Variants in RTN3 observed in about 807,000 individuals in gnomAD.
RTN3 encodes the protein reticulon-3.
A neutral mutation model predicts 77.8 loss-of-function variants in RTN3; 49 were observed. The ratio of observed to expected loss-of-function variants is 0.63; its 90% CI spans 0.50 to 0.80. The LOEUF is 0.80. Among genes scored for constraint, RTN3 ranks in the 30% least tolerant of loss-of-function variants. The pLI is 0.00. For missense variants in RTN3, 1,236 were observed against 1,211.9 expected (o/e 1.02, Z -0.29); for synonymous variants, 464 against 446.9 (o/e 1.04, Z -0.48).
chr11:63,688,560 A>G (rs1455347244), intron 1 of RTN3, among the ~76,000 whole-genome samples: 1 of 152,022 alleles, frequency 6.6e-6, no homozygotes, highest in African/African-American at 2.4e-5. Flanking sequence ...TTTATTGTCA[A>G]ATTCACAAGT....
At chr11:63,724,908 T>C (rs1590845245) in intron 3 of RTN3, among the ~76,000 whole-genome samples, 1 of 152,022 alleles carries the variant, frequency 6.6e-6, no homozygotes, top group Admixed American at 6.6e-5. Context: ...GTTGAGTATA[T>C]TATGGTATAA....
At chr11:63,740,448 A>ATTTT (rs34045543) in intron 3 of RTN3, among the ~76,000 whole-genome samples, 1 of 120,740 alleles carries the variant, frequency 8.3e-6, no homozygotes, top group African/African-American at 3.1e-5. Context: ...TGCCTGGCTA[A>ATTTT]TTTTTTTTTT....
intron 3 of RTN3, among the ~76,000 whole-genome samples, chr11:63,729,540 C>G (rs1186605): frequency 0.73 from 108,590 of 148,258 alleles, 41,598 homozygotes; most frequent in East Asian, 0.98. Context: ...TCACTGCAAC[C>G]TAGACCTCCT....
chr11:63,698,888 A>G (rs1328362708), intron 1 of RTN3: 1 of 155,342 alleles, frequency 6.4e-6, no homozygotes, highest in Non-Finnish European at 1.5e-5. Flanking sequence ...ATTTATCTAC[A>G]GCATTTACCT....
chr11:63,737,609 C>T (rs539590981), intron 3 of RTN3, among the ~76,000 whole-genome samples: 1 of 151,786 alleles, frequency 6.6e-6, no homozygotes, highest in South Asian at 2.1e-4. Context: ...GACTCTGTCT[C>T]AACAAAAGAA....
At chr11:63,732,592 C>T (rs2012773796) in intron 3 of RTN3, among the ~76,000 whole-genome samples, 1 of 151,532 alleles carries the variant, frequency 6.6e-6, no homozygotes. Flanking sequence ...TTATTATGAA[C>T]AATTTTATGC....
chr11:63,718,698 A>T lies in RTN3; in HGVS notation c.200-4A>T. The T allele has an allele frequency of 6.4e-7, 1 of 1,556,908 alleles. No homozygotes were observed. The highest frequency in any genetic ancestry group is 1.2e-5 in the South Asian group (1 of 80,658). On this transcript the variant is annotated splice_region_variant and splice_polypyrimidine_tract_variant and intron_variant, in intron 2 of 8. Coordinates refer to ENST00000377819, the MANE Select transcript of RTN3 (RefSeq NM_001265589.2). Reference sequence around the variant, plus strand: ...AATTTTTTTCTTTGAAATTCTGATCATAGAGGGATTGAGCTCTCTTTGCTC... The same window carrying T: ...AATTTTTTTCTTTGAAATTCTGATCTTAGAGGGATTGAGCTCTCTTTGCTC...
chr11:63,726,452 A>G lies in RTN3; in HGVS notation c.2530+5420A>G, dbSNP rs185916475. On this transcript the variant is annotated intron_variant, in intron 3 of 8. Transcript: ENST00000377819. ...GGGGAGGAGGAATCTTGGAAGGGAGAGATCCAGAGAGTGACAGCCTAAAAT... is the reference window on the plus strand; with the variant it reads ...GGGGAGGAGGAATCTTGGAAGGGAGGGATCCAGAGAGTGACAGCCTAAAAT... Among the ~76,000 whole-genome samples, 11 of 152,314 alleles carry G rather than the reference A, an allele frequency of 7.2e-5. No individual in the cohort carries two copies. The East Asian group carries it at 1.5e-3, about 21-fold the overall frequency.
At chr11:63,733,882 C>A (rs1044509622) in intron 3 of RTN3, among the ~76,000 whole-genome samples, 3 of 151,380 alleles carry the variant, frequency 2.0e-5, no homozygotes, top group Non-Finnish European at 2.9e-5. Flanking sequence ...CAGAACAAGA[C>A]CTTGCCTCAA....
At position 63,756,165 on chromosome 11, in the gene RTN3, T is replaced by G; in HGVS notation, c.3048T>G (p.Val1016=). 1.2e-6 allele frequency: 2 copies of G among 1,610,818 alleles called. No homozygotes were observed. Among genetic ancestry groups the G allele is most frequent in the Non-Finnish European group, 1.7e-6 (2 of 1,176,968 alleles). The change falls in exon 8 of 9, where the codon GTT becomes GTG. Residue 1016 remains valine (V), a synonymous_variant. Coordinates refer to ENST00000377819, the MANE Select transcript of RTN3 (RefSeq NM_001265589.2). ...CCCGAGATCAGACCAAGTCAATTGT[T>G]GAAAAGTAAGTACATTTAGAGACCA... ...GIARDQTKSI[V]EKIQAKLPGI... is the part of the protein sequence containing the mutation.
chr11:63,702,966 T>A (rs1942318122), intron 1 of RTN3, among the ~76,000 whole-genome samples: 1 of 152,122 alleles, frequency 6.6e-6, no homozygotes, highest in South Asian at 2.1e-4. Flanking sequence ...ATTACAGGTG[T>A]GAGCCACTGC....
intron 3 of RTN3, among the ~76,000 whole-genome samples, chr11:63,733,477 T>A (rs536988905): frequency 6.8e-6 from 1 of 146,802 alleles, no homozygotes; most frequent in Admixed American, 6.8e-5. Flanking sequence ...CGACAGAGAC[T>A]GTCTCAGAAT....
chr11:63,726,772 A>C (rs1565327577), intron 3 of RTN3, among the ~76,000 whole-genome samples: 2 of 151,886 alleles, frequency 1.3e-5, no homozygotes, highest in Non-Finnish European at 2.9e-5. Context: ...GAGGCAGGAG[A>C]ATCGCTTGAA....
chr11:63,698,387 A>C (rs1942072415), intron 1 of RTN3, among the ~76,000 whole-genome samples: 1 of 152,134 alleles, frequency 6.6e-6, no homozygotes, highest in Admixed American at 6.6e-5. Flanking sequence ...TGGCCTCCCA[A>C]AGTGCTGGGA....
At chr11:63,683,261 C>T (rs1941163584) in intron 1 of RTN3, among the ~76,000 whole-genome samples, 1 of 152,184 alleles carries the variant, frequency 6.6e-6, no homozygotes. Context: ...AGCCTTTTCT[C>T]CAAATTTTTG....
intron 1 of RTN3, among the ~76,000 whole-genome samples, chr11:63,701,329 T>A (rs1185243563): frequency 6.6e-6 from 1 of 152,186 alleles, no homozygotes; most frequent in Non-Finnish European, 1.5e-5. Context: ...CAATAAGCAT[T>A]TAAGGTTCCT....
At chr11:63,693,146 G>A (rs1172944163) in intron 1 of RTN3, among the ~76,000 whole-genome samples, 1 of 152,146 alleles carries the variant, frequency 6.6e-6, no homozygotes, top group Non-Finnish European at 1.5e-5. Context: ...ATATTTATGG[G>A]AAGAATGAGT....
chr11:63,703,622 A>C (rs1942353920), intron 1 of RTN3, among the ~76,000 whole-genome samples: 1 of 149,436 alleles, frequency 6.7e-6, no homozygotes, highest in Non-Finnish European at 1.5e-5. Flanking sequence ...GGCTCACTGC[A>C]AGCTCCACCT....
chr11:63,754,133 A>C (rs1162755984), intron 7 of RTN3, among the ~76,000 whole-genome samples: 3 of 151,812 alleles, frequency 2.0e-5, no homozygotes. Context: ...CTAAAAAAAA[A>C]TAGCCGGATG....
Sources: gnomAD v4.1 joint callset for allele counts (sites outside exome capture counted in the v4.1 genomes callset) on GRCh38, gnomAD v4.1.1 for gene constraint, MANE v1.5 for transcripts, NCBI Gene and HGNC (gene_info 2026-07-23, HGNC 2026-07-21) for gene names.